The following ADAMTS3 variants were observed in gnomAD, a reference collection of about 807,000 sequenced individuals.
ADAMTS3 encodes ADAM metallopeptidase with thrombospondin type 1 motif 3.
ADAMTS3 carries 73 observed loss-of-function variants against 129.0 expected under a neutral mutation model. The observed-to-expected ratio is 0.57, with a 90% CI of 0.47 to 0.69. The LOEUF is 0.69. ADAMTS3 is among the 30% of genes least tolerant of loss of function. The pLI is 0.00. For synonymous variants in ADAMTS3, 477 were observed against 510.8 expected, an observed-to-expected ratio of 0.93 and a Z score of 0.89; for missense variants, 1,457 against 1,514.5, an observed-to-expected ratio of 0.96 and a Z score of 0.63.
chr4:72,414,701 A>G (rs1364622259), intron 4 of ADAMTS3, 114 bp downstream of exon 4: 9 of 800,632 alleles, frequency 1.1e-5, no homozygotes, highest in Non-Finnish European at 8.9e-6. Flanking sequence ...TTCTTTTTCT[A>G]TCTCCGCGTT....
At chr4:72,520,944 G>C (rs914488676) in intron 3 of ADAMTS3, among the ~76,000 whole-genome samples, 3 of 151,992 alleles carry the variant, frequency 2.0e-5, no homozygotes, top group Non-Finnish European at 4.4e-5. Context: ...CGCTCACGCT[G>C]GGAGCTGTAG....
chr4:72,385,933 T>C (rs1721434620), intron 4 of ADAMTS3, among the ~76,000 whole-genome samples: 1 of 151,826 alleles, frequency 6.6e-6, no homozygotes, highest in Non-Finnish European at 1.5e-5. Context: ...AATCAATGAT[T>C]TTTTTTTCCT....
chr4:72,456,344 A>ATT (rs2045999852), intron 3 of ADAMTS3, among the ~76,000 whole-genome samples: 8 of 20,940 alleles, frequency 3.8e-4, no homozygotes, highest in Non-Finnish European at 7.1e-4. Flanking sequence ...TACTGTATAT[A>ATT]CTATATATAG....
At position 72,414,344 on chromosome 4, in the gene ADAMTS3, T is replaced by A. The variant is rs532307112; in HGVS notation, c.661+471A>T. Among the ~76,000 whole-genome samples the A allele has an allele frequency of 1.4e-4, 21 of 151,046 alleles. 1 individual carries two copies. The highest frequency in any genetic ancestry group is 5.1e-4 in the African/African-American group (21 of 41,368). ...AGAATTTCATTCATTGTCTCCTCCA[T>A]CTAGTAAAAGTTTTGCCAAATAGAT... is the stretch of plus-strand genomic sequence containing the variant. On this transcript the variant is annotated intron_variant, in intron 4 of 21. Transcript: ENST00000286657.
chr4:72,367,132 A>C (rs1720888800), intron 4 of ADAMTS3, among the ~76,000 whole-genome samples: 1 of 152,190 alleles, frequency 6.6e-6, no homozygotes, highest in Non-Finnish European at 1.5e-5. Flanking sequence ...GAAAACATCT[A>C]TTTCAGAAAT....
At chr4:72,493,332 CT>C (rs1211162184) in intron 3 of ADAMTS3, among the ~76,000 whole-genome samples, 1 of 151,806 alleles carries the variant, frequency 6.6e-6, no homozygotes, top group African/African-American at 2.4e-5. Context: ...CTTTGTTATT[CT>C]ATTTTTGTAG....
Position 72,375,323 on chromosome 4 carries a change from A to T in ADAMTS3, c.662-35630T>A, listed in dbSNP as rs1181832573. Among the ~76,000 whole-genome samples the T allele has an allele frequency of 3.3e-5, 5 of 152,196 alleles. No homozygotes were observed. In the East Asian group the frequency reaches 9.6e-4, roughly 29 times the overall value. On this transcript the variant is annotated intron_variant, in intron 4 of 21. Coordinates refer to ENST00000286657, the MANE Select transcript of ADAMTS3 (RefSeq NM_014243.3). ...CAAAGCATTTCTGGGAGTTCTGTGT[A>T]TCCAATTCCACAAATATTTCCTGAG...
chr4:72,564,616 C>T (rs1721980306), intron 2 of ADAMTS3, among the ~76,000 whole-genome samples: 1 of 152,088 alleles, frequency 6.6e-6, no homozygotes, highest in Non-Finnish European at 1.5e-5. Context: ...AACCTATTTA[C>T]CCATTTTTTC....
intron 3 of ADAMTS3, among the ~76,000 whole-genome samples, chr4:72,495,638 A>G (rs1225720079): frequency 6.6e-6 from 1 of 152,188 alleles, no homozygotes; most frequent in Non-Finnish European, 1.5e-5. Flanking sequence ...TTGCAAAAAA[A>G]TACCTAGAAA....
intron 2 of ADAMTS3, among the ~76,000 whole-genome samples, chr4:72,564,274 C>A (rs1721972061): frequency 6.6e-6 from 1 of 152,106 alleles, no homozygotes; most frequent in South Asian, 2.1e-4. Flanking sequence ...TCAGAGAATT[C>A]TTTTTCAGAT....
intron 11 of ADAMTS3, among the ~76,000 whole-genome samples, chr4:72,315,119 C>T (rs1350795207): frequency 6.6e-6 from 1 of 152,164 alleles, no homozygotes; most frequent in Non-Finnish European, 1.5e-5. Context: ...GTTCACATGA[C>T]TTTATTTCTG....
chr4:72,323,429 T>C (rs1450456658), intron 5 of ADAMTS3, among the ~76,000 whole-genome samples: 2 of 152,186 alleles, frequency 1.3e-5, no homozygotes, highest in Non-Finnish European at 2.9e-5. Flanking sequence ...GAGGGTAACT[T>C]TGGCAAATCA....
intron 3 of ADAMTS3, among the ~76,000 whole-genome samples, chr4:72,464,309 C>T (rs7691300): frequency 0.033 from 5,032 of 152,036 alleles, 272 homozygotes; most frequent in African/African-American, 0.12. Context: ...TAGAGAGCTG[C>T]ACTAGGTGAA....
At chr4:72,309,282 AG>A in intron 15 of ADAMTS3, 114 bp downstream of exon 15, 1 of 1,031,912 alleles carries the variant, frequency 9.7e-7, no homozygotes, top group Non-Finnish European at 1.4e-6. Flanking sequence ...ACAATAAATC[AG>A]CAGCTAAATT....
chr4:72,547,108 G>A (rs1721487507), intron 3 of ADAMTS3, among the ~76,000 whole-genome samples: 1 of 152,114 alleles, frequency 6.6e-6, no homozygotes, highest in Non-Finnish European at 1.5e-5. Context: ...GTAATTTTGA[G>A]AAAAGTCTAA....
chr4:72,369,721 A>G (rs990159662), intron 4 of ADAMTS3, among the ~76,000 whole-genome samples: 3 of 151,650 alleles, frequency 2.0e-5, no homozygotes, highest in Non-Finnish European at 4.4e-5. Flanking sequence ...AAAAATAAAT[A>G]AATAAAAATG....
chr4:72,388,788 T>C (rs563978670), intron 4 of ADAMTS3, among the ~76,000 whole-genome samples: 131 of 152,190 alleles, frequency 8.6e-4, no homozygotes, highest in Middle Eastern at 3.4e-3. Flanking sequence ...TAGGATTCAT[T>C]ACAGTGAAAG....
chr4:72,300,057 T>C (rs1445505229), intron 17 of ADAMTS3, among the ~76,000 whole-genome samples: 1 of 152,186 alleles, frequency 6.6e-6, no homozygotes, highest in Non-Finnish European at 1.5e-5. Context: ...GAGGTGATAC[T>C]AAAATCAGTG....
Position 72,282,314 on chromosome 4 carries a change from C to T in ADAMTS3, c.*822G>A, listed in dbSNP as rs556232388. ...TTGCACGAGTTCATTATTTACTATT[C>T]GTTGATCCCTGTGACCACAAGTGTA... On this transcript the variant is annotated 3_prime_UTR_variant, in exon 22 of 22. Transcript: ENST00000286657. 26 of 152,290 alleles carry T rather than the reference C, an allele frequency of 1.7e-4. No homozygotes were observed. The highest frequency in any genetic ancestry group is 5.1e-4 in the African/African-American group (21 of 41,550). The allele number at this position is 152,290 out of a possible 1,614,324, so 9.4% of individuals were successfully genotyped here.
Sources: gnomAD v4.1 joint callset for allele counts (sites outside exome capture counted in the v4.1 genomes callset) on GRCh38, gnomAD v4.1.1 for gene constraint, MANE v1.5 for transcripts, NCBI Gene and HGNC (gene_info 2026-07-23, HGNC 2026-07-21) for gene names.